PRKCE: variants seen among roughly 807,000 people sequenced by gnomAD.
PRKCE encodes the protein protein kinase C epsilon type.
Under a neutral mutation model 85.4 loss-of-function variants are expected in PRKCE, and 16 were observed. The observed-to-expected ratio is 0.19, with a 90% CI of 0.13 to 0.28. The LOEUF is 0.28. Among genes scored for constraint, PRKCE ranks in the 10% least tolerant of loss-of-function variants. The pLI, the probability that PRKCE is intolerant of heterozygous loss-of-function variation, is 1.00. For missense variants in PRKCE, 573 were observed against 975.2 expected, an observed-to-expected ratio of 0.59 and a Z score of 5.49; for synonymous variants, 388 against 371.5, an observed-to-expected ratio of 1.04 and a Z score of -0.51.
chr2:46,079,279 G>T (rs141049048), intron 10 of PRKCE, among the ~76,000 whole-genome samples: 1 of 152,160 alleles, frequency 6.6e-6, no homozygotes, highest in South Asian at 2.1e-4. Context: ...TATTCTCTAG[G>T]GGGTGCTAAG....
chr2:46,172,162 T>C (rs1016428961), intron 14 of PRKCE, among the ~76,000 whole-genome samples: 1 of 152,176 alleles, frequency 6.6e-6, no homozygotes, highest in Non-Finnish European at 1.5e-5. Context: ...CAGCGTTCAT[T>C]CCATTAGCTG....
chr2:45,948,821 T>G (rs532864963), intron 2 of PRKCE, among the ~76,000 whole-genome samples: 96 of 152,326 alleles, frequency 6.3e-4, no homozygotes, highest in African/African-American at 2.3e-3. Context: ...TGCCAATATA[T>G]GTTTGTTTTG....
chr2:46,105,914 GT>G (rs1671671509), intron 11 of PRKCE, among the ~76,000 whole-genome samples: 1 of 152,166 alleles, frequency 6.6e-6, no homozygotes, highest in Admixed American at 6.5e-5. Flanking sequence ...ACCAGGTATG[GT>G]TGGTGTTTGC....
chr2:45,960,326 G>A (rs935103166), intron 2 of PRKCE, among the ~76,000 whole-genome samples: 2 of 152,174 alleles, frequency 1.3e-5, no homozygotes, highest in Non-Finnish European at 2.9e-5. Context: ...GATACTAATC[G>A]TGTAGAATCC....
intron 2 of PRKCE, among the ~76,000 whole-genome samples, chr2:45,871,586 G>C (rs1253346214): frequency 6.6e-6 from 1 of 152,220 alleles, no homozygotes; most frequent in Non-Finnish European, 1.5e-5. Context: ...ATGATTTAGA[G>C]GTATCTCTAT....
At chr2:46,122,840 C>G (rs919786662) in intron 11 of PRKCE, among the ~76,000 whole-genome samples, 1 of 145,968 alleles carries the variant, frequency 6.9e-6, no homozygotes, top group African/African-American at 2.5e-5. Flanking sequence ...GAAGTGGGGG[C>G]GCAGTGTTGA....
At chr2:45,890,821 A>C (rs1033373511) in intron 2 of PRKCE, among the ~76,000 whole-genome samples, 1 of 152,192 alleles carries the variant, frequency 6.6e-6, no homozygotes, top group Admixed American at 6.5e-5. Flanking sequence ...ATGCTGGTTG[A>C]GGGATGGGTT....
intron 2 of PRKCE, among the ~76,000 whole-genome samples, chr2:45,946,634 A>G (rs1700262353): frequency 6.6e-6 from 1 of 152,182 alleles, no homozygotes; most frequent in African/African-American, 2.4e-5. Flanking sequence ...AGTTATAGGA[A>G]GTTTTTGGTG....
At position 46,165,286 on chromosome 2, in the gene PRKCE, C is replaced by T. The variant is rs540015750; in HGVS notation, c.2067+5534C>T. ...CCCTTTTGTATTCCTCTTGTTCACC[C>T]TCTGTCCACCCACATAATGAACTGA... On this transcript the variant is annotated intron_variant, in intron 14 of 14. Transcript: ENST00000306156. Among the ~76,000 whole-genome samples, 3 of 152,368 alleles carry T rather than the reference C, an allele frequency of 2.0e-5. No homozygotes were observed. In the East Asian group the frequency reaches 5.8e-4, roughly 29 times the overall value.
intron 1 of PRKCE, among the ~76,000 whole-genome samples, chr2:45,654,769 A>C (rs1050981056): frequency 1.1e-4 from 17 of 152,326 alleles, no homozygotes; most frequent in African/African-American, 3.6e-4. Context: ...TTTTCACCAG[A>C]GGATGCTGTA....
intron 11 of PRKCE, among the ~76,000 whole-genome samples, chr2:46,111,733 T>C (rs1558466899): frequency 1.3e-5 from 2 of 152,260 alleles, no homozygotes; most frequent in African/African-American, 2.4e-5. Context: ...CACTCTCAGT[T>C]GATGGACACT....
At chr2:46,003,145 C>G (rs1306597803) in intron 7 of PRKCE, among the ~76,000 whole-genome samples, 1 of 152,194 alleles carries the variant, frequency 6.6e-6, no homozygotes, top group Non-Finnish European at 1.5e-5. Context: ...CAAGTTGTAA[C>G]TCAAGTCACT....
At chr2:45,919,525 C>T (rs1698094626) in intron 2 of PRKCE, among the ~76,000 whole-genome samples, 1 of 152,234 alleles carries the variant, frequency 6.6e-6, no homozygotes, top group South Asian at 2.1e-4. Context: ...CACCCCTCTT[C>T]CAGTGTGAAC....
intron 2 of PRKCE, among the ~76,000 whole-genome samples, chr2:45,901,664 GTACAA>G (rs1696592274): frequency 6.6e-6 from 1 of 152,166 alleles, no homozygotes; most frequent in East Asian, 1.9e-4. Flanking sequence ...CAGCTGATTC[GTACAA>G]TGTGTTTACA....
At chr2:45,906,040 T>C (rs932130295) in intron 2 of PRKCE, among the ~76,000 whole-genome samples, 2 of 152,244 alleles carry the variant, frequency 1.3e-5, no homozygotes, top group African/African-American at 2.4e-5. Flanking sequence ...GGTATCATGA[T>C]AGCATGCTGG....
chr2:45,948,176 G>C (rs1349006478), intron 2 of PRKCE, among the ~76,000 whole-genome samples: 1 of 152,164 alleles, frequency 6.6e-6, no homozygotes, highest in African/African-American at 2.4e-5. Context: ...ATGCACTGGG[G>C]TTAAGTCTCC....
chr2:45,739,172 T>C (rs1168107434), intron 1 of PRKCE, among the ~76,000 whole-genome samples: 1 of 152,234 alleles, frequency 6.6e-6, no homozygotes, highest in Non-Finnish European at 1.5e-5. Context: ...TACAGAATGA[T>C]ACGAGAGGGT....
chr2:45,732,211 G>C (rs1297791859), intron 1 of PRKCE, among the ~76,000 whole-genome samples: 1 of 152,060 alleles, frequency 6.6e-6, no homozygotes, highest in African/African-American at 2.4e-5. Flanking sequence ...GACATCCTAG[G>C]GCAGGCAAAG....
At chr2:45,716,648 A>G (rs890940132) in intron 1 of PRKCE, among the ~76,000 whole-genome samples, 9 of 133,534 alleles carry the variant, frequency 6.7e-5, no homozygotes, top group East Asian at 2.3e-4. Flanking sequence ...GAAGAAGAAG[A>G]AGAAGGAGAA....
Sources: gnomAD v4.1 joint callset for allele counts (sites outside exome capture counted in the v4.1 genomes callset) on GRCh38, gnomAD v4.1.1 for gene constraint, MANE v1.5 for transcripts, NCBI Gene and HGNC (gene_info 2026-07-23, HGNC 2026-07-21) for gene names.